Variants in FAF1 observed in about 807,000 individuals in gnomAD.
The protein encoded by FAF1 is Fas associated factor 1, also known as FAS-associated factor 1.
Under a neutral mutation model 92.5 loss-of-function variants are expected in FAF1, and 25 were observed. The observed-to-expected ratio is 0.27, with a 90% CI of 0.20 to 0.38. FAF1 has a LOEUF of 0.38. Among genes scored for constraint, FAF1 ranks in the 10% least tolerant of loss-of-function variants. The pLI is 1.00. For synonymous variants in FAF1, 234 were observed against 273.2 expected, an observed-to-expected ratio of 0.86 and a Z score of 1.42; for missense variants, 636 against 793.3, an observed-to-expected ratio of 0.80 and a Z score of 2.38.
rs143202373 is a variant in FAF1 at position 50,632,147 on chromosome 1, G to A, written c.744+23295C>T. 4.4e-4 allele frequency among the ~76,000 whole-genome samples: 67 copies of A among 152,224 alleles called. No individual in the cohort carries two copies. In the East Asian group the frequency reaches 0.01, roughly 23 times the overall value. On this transcript the variant is annotated intron_variant, in intron 8 of 18. Coordinates refer to ENST00000396153, the MANE Select transcript of FAF1 (RefSeq NM_007051.3). ...GATTAAGTTAACAATAAGAAGTAAGGGGTACGATGAACACTATAGGGTAAC... is the reference window on the plus strand; with the variant it reads ...GATTAAGTTAACAATAAGAAGTAAGAGGTACGATGAACACTATAGGGTAAC...
At chr1:50,899,994 T>C (rs538066715) in intron 1 of FAF1, among the ~76,000 whole-genome samples, 1 of 152,358 alleles carries the variant, frequency 6.6e-6, no homozygotes, top group East Asian at 1.9e-4. Flanking sequence ...CTATGCTTTG[T>C]GTGAGTGCTA....
intron 8 of FAF1, among the ~76,000 whole-genome samples, chr1:50,643,679 G>C (rs1442539891): frequency 6.6e-6 from 1 of 152,060 alleles, no homozygotes; most frequent in Non-Finnish European, 1.5e-5. Flanking sequence ...AGCAACCTCC[G>C]CCTCCCAGAT....
intron 18 of FAF1, among the ~76,000 whole-genome samples, chr1:50,453,032 C>A (rs745806056): frequency 6.6e-6 from 1 of 152,132 alleles, no homozygotes; most frequent in Admixed American, 6.5e-5. Context: ...TGACTCCTTG[C>A]CAAAACAGGA....
At chr1:50,476,085 G>A (rs1646636825) in intron 17 of FAF1, among the ~76,000 whole-genome samples, 1 of 152,082 alleles carries the variant, frequency 6.6e-6, no homozygotes, top group African/African-American at 2.4e-5. Flanking sequence ...ATTTATATTT[G>A]AGAAATACAA....
At chr1:50,812,644 C>T (rs148490107) in intron 2 of FAF1, among the ~76,000 whole-genome samples, 1 of 152,240 alleles carries the variant, frequency 6.6e-6, no homozygotes, top group East Asian at 1.9e-4. Context: ...CTTAGTTCAG[C>T]CATTCTGGAA....
At chr1:50,571,951 T>C (rs1650464029) in intron 12 of FAF1, among the ~76,000 whole-genome samples, 2 of 152,224 alleles carry the variant, frequency 1.3e-5, no homozygotes, top group African/African-American at 4.8e-5. Flanking sequence ...TTAAAGTTGA[T>C]ATGACAATTT....
intron 2 of FAF1, among the ~76,000 whole-genome samples, chr1:50,804,995 T>C (rs896648800): frequency 2.0e-5 from 3 of 152,222 alleles, no homozygotes; most frequent in Non-Finnish European, 2.9e-5. Context: ...ATACTGAGTT[T>C]ATTATAAGAA....
intron 4 of FAF1, among the ~76,000 whole-genome samples, chr1:50,759,083 C>T (rs1386712188): frequency 6.6e-6 from 1 of 152,058 alleles, no homozygotes; most frequent in Non-Finnish European, 1.5e-5. Flanking sequence ...ACCTCATGAT[C>T]TGCCCGCCTC....
intron 8 of FAF1, among the ~76,000 whole-genome samples, chr1:50,634,652 T>C (rs1407382566): frequency 1.3e-5 from 2 of 152,200 alleles, no homozygotes; most frequent in African/African-American, 4.8e-5. Context: ...GGGGTGTCTC[T>C]GGAGAAAGCA....
intron 2 of FAF1, among the ~76,000 whole-genome samples, chr1:50,820,847 A>ATGTG (rs59160200): frequency 2.1e-4 from 31 of 149,808 alleles, no homozygotes; most frequent in East Asian, 9.9e-4. Context: ...CTGAATAATA[A>ATGTG]TGTGTGTGTG....
chr1:50,708,407 T>C (rs908617235), intron 6 of FAF1, among the ~76,000 whole-genome samples: 17 of 152,104 alleles, frequency 1.1e-4, no homozygotes, highest in Admixed American at 6.5e-4. Context: ...AATGGAATTA[T>C]ATTTAACAAG....
intron 6 of FAF1, among the ~76,000 whole-genome samples, chr1:50,729,034 C>CTATATATA (rs1553132882): frequency 1.7e-4 from 15 of 88,078 alleles, no homozygotes; most frequent in Admixed American, 7.6e-4. Context: ...ATCTATCTAT[C>CTATATATA]TATATATATA....
chr1:50,612,494 T>C (rs1652726287), intron 8 of FAF1: 1 of 1,063,426 alleles, frequency 9.4e-7, no homozygotes, highest in Admixed American at 5.6e-5. Flanking sequence ...AAGCCTGCTT[T>C]GTATGCATGA....
intron 1 of FAF1, among the ~76,000 whole-genome samples, chr1:50,892,562 A>G (rs1161892099): frequency 6.6e-6 from 1 of 152,218 alleles, no homozygotes; most frequent in Non-Finnish European, 1.5e-5. Context: ...CTCTGCTGCC[A>G]GACATGCTGG....
Position 50,438,725 on chromosome 1 carries a change from G to A in FAF1, c.*2715C>T, listed in dbSNP as rs375915804. The A allele has an allele frequency of 5.3e-5, 8 of 152,202 alleles. No homozygotes were observed. Among genetic ancestry groups the A allele is most frequent in the Non-Finnish European group, 1.0e-4 (7 of 68,046 alleles). The allele number at this position is 152,202 out of a possible 1,614,324, so 9.4% of individuals were successfully genotyped here. On this transcript the variant is annotated 3_prime_UTR_variant, in exon 19 of 19. Transcript: ENST00000396153. ...ATTCTACTGACCAGCACACTTAGAT[G>A]TTATTATGTGACTAATATGTTTCTA...
At chr1:50,894,230 T>TG (rs1318336889) in intron 1 of FAF1, among the ~76,000 whole-genome samples, 1 of 139,270 alleles carries the variant, frequency 7.2e-6, no homozygotes, top group South Asian at 2.3e-4. Flanking sequence ...ACCCAGGAGG[T>TG]GGAGGTTGCA....
chr1:50,790,548 A>ATTT, intron 3 of FAF1, among the ~76,000 whole-genome samples: 1 of 151,974 alleles, frequency 6.6e-6, no homozygotes, highest in Non-Finnish European at 1.5e-5. Flanking sequence ...ATTATTTTAA[A>ATTT]ATTTGACTTT....
intron 1 of FAF1, among the ~76,000 whole-genome samples, chr1:50,888,917 T>A (rs1458295459): frequency 6.6e-6 from 1 of 152,222 alleles, no homozygotes; most frequent in Non-Finnish European, 1.5e-5. Flanking sequence ...TTCTATTGAT[T>A]GGAATAGTTT....
chr1:50,923,675 T>A (rs1035045946), intron 1 of FAF1, among the ~76,000 whole-genome samples: 5 of 152,036 alleles, frequency 3.3e-5, no homozygotes, highest in Non-Finnish European at 7.4e-5. Context: ...TTCGATAGAA[T>A]CCTCAACAAA....
Sources: allele counts gnomAD v4.1 joint callset (sites outside exome capture counted in the v4.1 genomes callset), GRCh38; gene constraint gnomAD v4.1.1; transcripts MANE v1.5; gene names NCBI Gene and HGNC (gene_info 2026-07-23, HGNC 2026-07-21).